NRG3: variants seen among roughly 807,000 people sequenced by gnomAD.
The protein encoded by NRG3 is pro-neuregulin-3, membrane-bound isoform.
Under a neutral mutation model 66.9 loss-of-function variants are expected in NRG3, and 31 were observed. The observed-to-expected ratio is 0.46, with a 90% CI of 0.35 to 0.63. NRG3 has a LOEUF of 0.63. Ranked by LOEUF, NRG3 falls within the 20% of genes least tolerant of loss-of-function variation. The probability of loss-of-function intolerance (pLI) is 0.00; values close to 1 mark genes in which losing one functional copy is unlikely to be tolerated. For missense variants in NRG3, 910 were observed against 878.9 expected (o/e 1.04, Z -0.45); for synonymous variants, 393 against 359.4 (o/e 1.09, Z -1.06).
chr10:82,144,920 G>C (rs2070133769), intron 1 of NRG3, among the ~76,000 whole-genome samples: 1 of 152,164 alleles, frequency 6.6e-6, no homozygotes, highest in South Asian at 2.1e-4. Flanking sequence ...TCTCCTTGTT[G>C]TCTTTTGAGA....
At chr10:82,511,908 G>A (rs1845208831) in intron 2 of NRG3, among the ~76,000 whole-genome samples, 2 of 151,804 alleles carry the variant, frequency 1.3e-5, no homozygotes, top group Admixed American at 1.3e-4. Flanking sequence ...TATTGTTTGG[G>A]CTTATAACAG....
At position 82,460,877 on chromosome 10, in the gene NRG3, C is replaced by T. The variant is rs149673645; in HGVS notation, c.953+102009C>T. 4.5e-3 allele frequency among the ~76,000 whole-genome samples: 690 copies of T among 152,264 alleles called. 4 individuals are homozygous for T. Among genetic ancestry groups the T allele is most frequent in the African/African-American group, 0.016 (661 of 41,546 alleles). Reference sequence around the variant, plus strand: ...TTGAGCAATAGTCATCTGTTCAGGACGTATGCATTATTTCCTTCTCCATTT... The same window carrying T: ...TTGAGCAATAGTCATCTGTTCAGGATGTATGCATTATTTCCTTCTCCATTT... On this transcript the variant is annotated intron_variant, in intron 2 of 8. Transcript: ENST00000372141.
intron 4 of NRG3, among the ~76,000 whole-genome samples, chr10:82,898,937 C>T (rs1843942557): frequency 6.6e-6 from 1 of 151,892 alleles, no homozygotes; most frequent in Non-Finnish European, 1.5e-5. Flanking sequence ...GTCTCAATCT[C>T]CTGACCTCGT....
chr10:82,204,543 A>G, intron 1 of NRG3, among the ~76,000 whole-genome samples: 1 of 152,144 alleles, frequency 6.6e-6, no homozygotes, highest in East Asian at 1.9e-4. Context: ...ATTAAAAGGA[A>G]ATTCTCCAGT....
intron 2 of NRG3, among the ~76,000 whole-genome samples, chr10:82,695,636 C>A (rs568154243): frequency 6.6e-6 from 1 of 152,112 alleles, no homozygotes; most frequent in South Asian, 2.1e-4. Context: ...CTCTATTCTT[C>A]ATTTCCAAAA....
At chr10:82,845,873 A>G (rs945520698) in intron 3 of NRG3, among the ~76,000 whole-genome samples, 3 of 152,212 alleles carry the variant, frequency 2.0e-5, no homozygotes, top group African/African-American at 7.2e-5. Flanking sequence ...ACATACACAC[A>G]TATAGCACAC....
At chr10:82,052,154 G>T (rs2063628193) in intron 1 of NRG3, among the ~76,000 whole-genome samples, 1 of 151,126 alleles carries the variant, frequency 6.6e-6, no homozygotes, top group African/African-American at 2.4e-5. Flanking sequence ...TAAACACAAT[G>T]AATATTCAGT....
intron 1 of NRG3, among the ~76,000 whole-genome samples, chr10:82,023,407 G>T (rs2062151679): frequency 6.6e-6 from 1 of 152,034 alleles, no homozygotes; most frequent in African/African-American, 2.4e-5. Context: ...AATAAAAGTG[G>T]TGATGGCAGG....
intron 1 of NRG3, among the ~76,000 whole-genome samples, chr10:82,311,258 C>T (rs2081011288): frequency 6.6e-6 from 1 of 152,174 alleles, no homozygotes; most frequent in Non-Finnish European, 1.5e-5. Context: ...AATGGTTCCT[C>T]ATTGTTTAAA....
intron 2 of NRG3, among the ~76,000 whole-genome samples, chr10:82,680,224 T>C (rs1415116400): frequency 6.6e-6 from 1 of 152,196 alleles, no homozygotes; most frequent in Non-Finnish European, 1.5e-5. Flanking sequence ...ACATATATCT[T>C]GAGCAATGCC....
chr10:81,931,264 G>A (rs541022449), intron 1 of NRG3, among the ~76,000 whole-genome samples: 2 of 152,200 alleles, frequency 1.3e-5, no homozygotes, highest in South Asian at 4.2e-4. Flanking sequence ...CTCATCTCAT[G>A]AGCATAAACT....
At chr10:82,681,489 A>T (rs1247655726) in intron 2 of NRG3, among the ~76,000 whole-genome samples, 1 of 152,246 alleles carries the variant, frequency 6.6e-6, no homozygotes, top group Non-Finnish European at 1.5e-5. Context: ...TATTATGCCA[A>T]TATTTTTGCT....
chr10:82,720,033 C>T (rs903303311), intron 2 of NRG3, among the ~76,000 whole-genome samples: 2 of 152,186 alleles, frequency 1.3e-5, no homozygotes, highest in Admixed American at 6.5e-5. Context: ...TCATTAAACT[C>T]GTGGTCTTAC....
intron 1 of NRG3, among the ~76,000 whole-genome samples, chr10:82,092,091 ATGCTATAAG>A (rs2066059722): frequency 6.6e-6 from 1 of 152,186 alleles, no homozygotes; most frequent in Non-Finnish European, 1.5e-5. Flanking sequence ...GCTGTTACTA[ATGCTATAAG>A]TGCATGATCT....
chr10:82,667,644 TG>T (rs2052907749), intron 2 of NRG3, among the ~76,000 whole-genome samples: 1 of 152,152 alleles, frequency 6.6e-6, no homozygotes. Context: ...CCATCTACCC[TG>T]GGGCACCCCC....
At chr10:82,616,652 A>G (rs1346383068) in intron 2 of NRG3, among the ~76,000 whole-genome samples, 1 of 152,160 alleles carries the variant, frequency 6.6e-6, no homozygotes, top group Non-Finnish European at 1.5e-5. Context: ...TGTTTTTCTT[A>G]TAGCATTTTA....
chr10:82,228,718 A>G (rs908700276), intron 1 of NRG3, among the ~76,000 whole-genome samples: 1 of 152,202 alleles, frequency 6.6e-6, no homozygotes, highest in Non-Finnish European at 1.5e-5. Context: ...AGGAAATTCA[A>G]CCTTTATTGA....
chr10:82,063,159 T>A (rs2064255803), intron 1 of NRG3, among the ~76,000 whole-genome samples: 2 of 152,224 alleles, frequency 1.3e-5, no homozygotes, highest in Non-Finnish European at 2.9e-5. Flanking sequence ...TCAGTTCTTC[T>A]GTGGTTCTAC....
intron 1 of NRG3, among the ~76,000 whole-genome samples, chr10:82,087,595 G>T (rs888269120): frequency 2.6e-5 from 4 of 152,056 alleles, no homozygotes; most frequent in Non-Finnish European, 4.4e-5. Flanking sequence ...AACATCAATG[G>T]TATCATATTT....
Sources: gnomAD v4.1 joint callset for allele counts (sites outside exome capture counted in the v4.1 genomes callset) on GRCh38, gnomAD v4.1.1 for gene constraint, MANE v1.5 for transcripts, NCBI Gene and HGNC (gene_info 2026-07-23, HGNC 2026-07-21) for gene names.